The following ARID4A variants were observed in gnomAD, a reference collection of about 807,000 sequenced individuals.
ARID4A encodes AT-rich interaction domain 4A, also known as AT-rich interactive domain-containing protein 4A.
A neutral mutation model predicts 148.6 loss-of-function variants in ARID4A; 39 were observed. The ratio of observed to expected loss-of-function variants is 0.26; its 90% CI spans 0.20 to 0.34. The LOEUF (loss-of-function observed/expected upper bound fraction) is 0.34, where lower values mean the gene tolerates loss of function less well. ARID4A is among the 10% of genes least tolerant of loss of function. The pLI, the probability that ARID4A is intolerant of heterozygous loss-of-function variation, is 1.00. For synonymous variants in ARID4A, 475 were observed against 481.2 expected (o/e 0.99, Z 0.17); for missense variants, 1,265 against 1,449.1 (o/e 0.87, Z 2.06).
intron 11 of ARID4A, among the ~76,000 whole-genome samples, chr14:58,330,827 T>C (rs886519075): frequency 2.0e-5 from 3 of 152,238 alleles, no homozygotes; most frequent in African/African-American, 7.2e-5. Context: ...TGCATATAAT[T>C]GTAGGAAATC....
At chr14:58,305,053 T>G in intron 4 of ARID4A, 44 bp downstream of exon 4, 1 of 1,462,670 alleles carries the variant, frequency 6.8e-7, no homozygotes, top group Non-Finnish European at 9.3e-7. Context: ...ATCATAGATT[T>G]ATACCATATT....
At chr14:58,356,089 G>T (rs1321518001) in intron 17 of ARID4A, among the ~76,000 whole-genome samples, 1 of 152,186 alleles carries the variant, frequency 6.6e-6, no homozygotes, top group Non-Finnish European at 1.5e-5. Context: ...TCCTGAAAGG[G>T]AGTATCTGCA....
At chr14:58,304,378 A>G (rs1188664424) in intron 3 of ARID4A, among the ~76,000 whole-genome samples, 1 of 152,094 alleles carries the variant, frequency 6.6e-6, no homozygotes, top group Non-Finnish European at 1.5e-5. Context: ...CTAGATTTTG[A>G]ATTTATTTGG....
At chr14:58,341,007 T>G (rs1436933193) in intron 11 of ARID4A, among the ~76,000 whole-genome samples, 1 of 151,958 alleles carries the variant, frequency 6.6e-6, no homozygotes, top group Admixed American at 6.6e-5. Flanking sequence ...GGCACAGTGG[T>G]TCTCTTTTCT....
intron 7 of ARID4A, among the ~76,000 whole-genome samples, chr14:58,322,980 A>AAATATATATAT (rs1255021613): frequency 1.7e-5 from 2 of 114,314 alleles, no homozygotes; most frequent in African/African-American, 3.5e-5. Context: ...AAAAAAAAAA[A>AAATATATATAT]ATATATATAT....
intron 5 of ARID4A, among the ~76,000 whole-genome samples, chr14:58,310,926 A>G (rs1214796491): frequency 6.6e-6 from 1 of 151,946 alleles, no homozygotes; most frequent in Non-Finnish European, 1.5e-5. Context: ...AAACAACTCG[A>G]TAGCAAGAAA....
chr14:58,310,391 CA>C (rs1367447920), intron 5 of ARID4A, among the ~76,000 whole-genome samples: 3 of 152,024 alleles, frequency 2.0e-5, no homozygotes, highest in Non-Finnish European at 4.4e-5. Context: ...CTATAGTAAT[CA>C]AAATATCATG....
At chr14:58,338,730 GTATT>G (rs1372294928) in intron 11 of ARID4A, among the ~76,000 whole-genome samples, 2 of 151,950 alleles carry the variant, frequency 1.3e-5, no homozygotes, top group Non-Finnish European at 2.9e-5. Context: ...TTTGGTAAAA[GTATT>G]TAGTGTTATA....
chr14:58,311,245 T>TA lies in ARID4A; in HGVS notation c.274+5142dup, dbSNP rs201007678. Among the ~76,000 whole-genome samples the TA allele has an allele frequency of 1.8e-4, 27 of 150,866 alleles. 2 individuals carry two copies. The East Asian group carries it at 3.9e-3, about 22-fold the overall frequency. On this transcript the variant is annotated intron_variant, in intron 5 of 23. Transcript: ENST00000355431. Reference sequence around the variant, plus strand: ...TGGGCGACAGAGCAAGACTCCAATCTAAAAAAAAATAAATGAAAATAATAG... The same window carrying TA: ...TGGGCGACAGAGCAAGACTCCAATCTAAAAAAAAAATAAATGAAAATAATAG...
intron 3 of ARID4A, among the ~76,000 whole-genome samples, chr14:58,304,099 A>G (rs1594861146): frequency 6.6e-6 from 1 of 151,542 alleles, no homozygotes; most frequent in African/African-American, 2.4e-5. Flanking sequence ...TGACTAGAGG[A>G]GTGTGATTTG....
At chr14:58,322,091 C>G (rs2032927915) in intron 7 of ARID4A, among the ~76,000 whole-genome samples, 1 of 151,878 alleles carries the variant, frequency 6.6e-6, no homozygotes, top group Non-Finnish European at 1.5e-5. Context: ...GTGCCTCAGC[C>G]TCTCGAGTAG....
At chr14:58,312,627 C>T (rs761821979) in intron 5 of ARID4A, among the ~76,000 whole-genome samples, 3 of 152,170 alleles carry the variant, frequency 2.0e-5, no homozygotes, top group Non-Finnish European at 4.4e-5. Flanking sequence ...TTTTGTTAAT[C>T]ATAACTGCTG....
intron 5 of ARID4A, among the ~76,000 whole-genome samples, chr14:58,312,436 G>C (rs1333635447): frequency 6.6e-6 from 1 of 151,830 alleles, no homozygotes; most frequent in Non-Finnish European, 1.5e-5. Flanking sequence ...GGCCAGTCTC[G>C]AACTCCTGAG....
In ARID4A at chr14:58,364,682, C is replaced by T. The variant is rs751668753; in HGVS notation, c.2593C>T (p.Pro865Ser). 2.5e-6 allele frequency: 4 copies of T among 1,613,248 alleles called. No individual in the cohort carries two copies. The highest frequency in any genetic ancestry group is 3.4e-6 in the Non-Finnish European group (4 of 1,179,828). The change falls in exon 20 of 24, where the codon CCA becomes TCA. Residue 865 changes from proline to serine, a missense_variant. Pro to Ser is a moderately conservative substitution (Grantham distance 74). Coordinates refer to ENST00000355431, the MANE Select transcript of ARID4A (RefSeq NM_002892.4). ...ACGGAAAATACTAGGACAATCATCG[C>T]CAGAGAAAAAAATAAGAATTGAGAA... ...LKRKILGQSS[P>S]EKKIRIENGM...
In ARID4A at chr14:58,364,398, A is replaced by G; in HGVS notation, c.2309A>G (p.Gln770Arg). ...GTTGGAGAGAATGAACAAATAGTAC[A>G]GATTTTTGGGAACAAAATGGAAAAA... ...LEVGENEQIV[Q>R]IFGNKMEKTE... The change falls in exon 20 of 24, where the codon CAG becomes CGG. Residue 770 changes from glutamine to arginine, a missense_variant. Transcript: ENST00000355431. 1 of 1,611,120 alleles carries G rather than the reference A, an allele frequency of 6.2e-7. No homozygotes were observed. The highest frequency in any genetic ancestry group is 8.5e-7 in the Non-Finnish European group (1 of 1,179,448).
At chr14:58,300,820 AG>A (rs1047817049) in intron 2 of ARID4A, among the ~76,000 whole-genome samples, 2 of 151,176 alleles carry the variant, frequency 1.3e-5, no homozygotes, top group African/African-American at 4.9e-5. Flanking sequence ...AAAAAAAAAA[AG>A]GTAAAATGAC....
rs185137608 is a variant in ARID4A at position 58,318,884 on chromosome 14, A to T, written c.449+79A>T. 32 of 1,193,408 alleles carry T rather than the reference A, an allele frequency of 2.7e-5. No homozygotes were observed. In the East Asian group the frequency reaches 7.7e-4, roughly 29 times the overall value. The allele number at this position is 1,193,408 out of a possible 1,614,324, so 73.9% of individuals were successfully genotyped here. On this transcript the variant is annotated intron_variant, in intron 7 of 23. Coordinates refer to ENST00000355431, the MANE Select transcript of ARID4A (RefSeq NM_002892.4). The stretch of plus-strand genomic sequence containing the variant: ...CAAGGGATTTTGTTAGGATGGCTAA[A>T]TTCATTTGGGTAAGCTTTCCATAGC...
Position 58,366,947 on chromosome 14 carries a change from C to A in ARID4A, c.3588C>A (p.Ile1196=). 1 of 1,517,828 alleles carries A rather than the reference C, an allele frequency of 6.6e-7. No individual in the cohort carries two copies. The highest frequency in any genetic ancestry group is 2.6e-5 in the East Asian group (1 of 38,832). The allele number at this position is 1,517,828 out of a possible 1,614,324, so 94.0% of individuals were successfully genotyped here. A position where few individuals can be genotyped will look rare whatever the true frequency, so the allele number is the denominator to read the frequency against. ...TTCTCCAAGAAAAACTACAGGAAATCAGAAAATATTATATGTCTTTGAAGT... is the reference window on the plus strand; with the variant it reads ...TTCTCCAAGAAAAACTACAGGAAATAAGAAAATATTATATGTCTTTGAAGT... The part of the protein sequence containing the change: ...ISFLQEKLQE[I]RKYYMSLKSE... Residue 1196 remains isoleucine (I), a synonymous_variant, in exon 23 of 24, where the codon ATC becomes ATA. Transcript: ENST00000355431.
At chr14:58,323,463 A>G in intron 7 of ARID4A, 22 bp from the exon 8 acceptor site, 2 of 1,596,502 alleles carry the variant, frequency 1.3e-6, no homozygotes, top group Non-Finnish European at 1.7e-6. Flanking sequence ...TAGGATAATG[A>G]TCAAGTTATT....
Sources: gnomAD v4.1 joint callset for allele counts (sites outside exome capture counted in the v4.1 genomes callset) on GRCh38, gnomAD v4.1.1 for gene constraint, MANE v1.5 for transcripts, NCBI Gene and HGNC (gene_info 2026-07-23, HGNC 2026-07-21) for gene names.